The following NAV2 variants were observed in gnomAD, a reference collection of about 807,000 sequenced individuals.
NAV2 encodes the protein neuron navigator 2, also known as helicase, APC down-regulated 1.
Under a neutral mutation model 223.2 loss-of-function variants are expected in NAV2, and 54 were observed. That is an observed-to-expected ratio of 0.24 (90% CI 0.19 to 0.30). NAV2 has a LOEUF of 0.30. NAV2 is among the 10% of genes least tolerant of loss of function. NAV2 has a pLI of 1.00. For missense variants in NAV2, 2,806 were observed against 3,147.5 expected, an observed-to-expected ratio of 0.89 and a Z score of 2.60; for synonymous variants, 1,279 against 1,239.3, an observed-to-expected ratio of 1.03 and a Z score of -0.67.
upstream of NAV2, among the ~76,000 whole-genome samples, chr11:19,709,663 C>G (rs967775206): frequency 6.6e-6 from 1 of 151,638 alleles, no homozygotes; most frequent in African/African-American, 2.4e-5. Flanking sequence ...GACGAAACCC[C>G]GTCTCTACTA....
intron 1 of NAV2, chr11:19,511,014 C>T (rs1210208969): frequency 7.2e-5 from 11 of 152,184 alleles, no homozygotes; most frequent in African/African-American, 2.2e-4. Context: ...TTGATCCCCA[C>T]GTAAGGCTGT....
intron 3 of NAV2, among the ~76,000 whole-genome samples, chr11:19,844,078 C>T (rs1303457808): frequency 1.3e-5 from 2 of 152,182 alleles, no homozygotes; most frequent in African/African-American, 2.4e-5. Flanking sequence ...GATCCAAAGA[C>T]CAACCACTTC....
At chr11:19,963,224 C>T (rs1011862428) in intron 10 of NAV2, among the ~76,000 whole-genome samples, 3 of 152,172 alleles carry the variant, frequency 2.0e-5, no homozygotes, top group African/African-American at 4.8e-5. Context: ...CTCACTTACT[C>T]TTTCCACTAG....
intron 1 of NAV2, among the ~76,000 whole-genome samples, chr11:19,564,407 C>G (rs1366106871): frequency 6.6e-6 from 1 of 152,224 alleles, no homozygotes; most frequent in African/African-American, 2.4e-5. Context: ...CTGACACTGG[C>G]TCTTCCCTGA....
chr11:20,083,652 C>T (rs2060232056), intron 26 of NAV2, among the ~76,000 whole-genome samples: 1 of 152,138 alleles, frequency 6.6e-6, no homozygotes, highest in Admixed American at 6.5e-5. Context: ...GGAAAGTTGT[C>T]AGAGAGATGA....
intron 1 of NAV2, among the ~76,000 whole-genome samples, chr11:19,622,317 C>G (rs973772384): frequency 1.1e-4 from 17 of 152,136 alleles, no homozygotes; most frequent in African/African-American, 3.9e-4. Flanking sequence ...TCCTTTTTAA[C>G]TTTCTATCTT....
At chr11:19,711,908 A>C (rs2049897194), upstream of NAV2, 1 of 152,230 alleles carries the variant, frequency 6.6e-6, no homozygotes. Flanking sequence ...CATGCATGTA[A>C]GCTTAAATAA....
At chr11:19,989,654 G>A (rs776130513) in intron 11 of NAV2, among the ~76,000 whole-genome samples, 2 of 152,172 alleles carry the variant, frequency 1.3e-5, no homozygotes, top group Non-Finnish European at 2.9e-5. Flanking sequence ...TTCCTGATGG[G>A]TTGCTCTATG....
intron 1 of NAV2, among the ~76,000 whole-genome samples, chr11:19,622,896 T>C (rs1281944048): frequency 3.9e-5 from 6 of 152,160 alleles, no homozygotes; most frequent in Non-Finnish European, 7.4e-5. Flanking sequence ...TTTGCAGTGG[T>C]GGGTACCGGT....
chr11:20,109,293 A>C (rs1413098353), intron 36 of NAV2, among the ~76,000 whole-genome samples: 2 of 151,188 alleles, frequency 1.3e-5, no homozygotes, highest in East Asian at 3.8e-4. Context: ...GTATTGTGAA[A>C]GCAGGAAAAA....
chr11:19,467,213 G>A (rs921301460), intron 1 of NAV2, among the ~76,000 whole-genome samples: 6 of 152,062 alleles, frequency 3.9e-5, no homozygotes, highest in African/African-American at 1.4e-4. Context: ...TGTCAGATAT[G>A]ATATTTAAAT....
At chr11:19,902,991 A>C (rs2042574420) in intron 6 of NAV2, among the ~76,000 whole-genome samples, 1 of 152,228 alleles carries the variant, frequency 6.6e-6, no homozygotes, top group Non-Finnish European at 1.5e-5. Flanking sequence ...TGTAGCTGCA[A>C]CTACTTACTG....
At chr11:19,704,795 G>A (rs1409137127) in intron 1 of NAV2, among the ~76,000 whole-genome samples, 1 of 151,962 alleles carries the variant, frequency 6.6e-6, no homozygotes, top group African/African-American at 2.4e-5. Flanking sequence ...GGTGGATCAC[G>A]AGGTCAGGAG....
At chr11:19,411,790 T>G (rs778099993) in intron 1 of NAV2, among the ~76,000 whole-genome samples, 1 of 152,176 alleles carries the variant, frequency 6.6e-6, no homozygotes, top group Non-Finnish European at 1.5e-5. Context: ...TCTTCACAAC[T>G]GGCATCTCGT....
intron 1 of NAV2, among the ~76,000 whole-genome samples, chr11:19,529,280 C>A (rs2043949071): frequency 6.6e-6 from 1 of 152,200 alleles, no homozygotes; most frequent in Admixed American, 6.5e-5. Flanking sequence ...GCATTTAGAT[C>A]CACAAACAGC....
chr11:20,115,624 TCC>T (rs2063009980), intron 37 of NAV2, among the ~76,000 whole-genome samples: 2 of 56,816 alleles, frequency 3.5e-5, no homozygotes, highest in African/African-American at 6.9e-5. Flanking sequence ...AGAGCAAGAC[TCC>T]GTCTCAAAAA....
At chr11:19,701,029 T>C (rs1218788179) in intron 1 of NAV2, among the ~76,000 whole-genome samples, 1 of 152,226 alleles carries the variant, frequency 6.6e-6, no homozygotes, top group Non-Finnish European at 1.5e-5. Flanking sequence ...GTCGTCATCA[T>C]TCCTATTTTA....
At chr11:19,748,289 G>T (rs1187537684) in intron 1 of NAV2, among the ~76,000 whole-genome samples, 2 of 152,152 alleles carry the variant, frequency 1.3e-5, no homozygotes, top group Non-Finnish European at 2.9e-5. Flanking sequence ...GGTAACCAAG[G>T]ATTGCAGAGT....
At chr11:20,091,088 T>C in intron 27 of NAV2, 70 bp downstream of exon 27, 2 of 1,552,504 alleles carry the variant, frequency 1.3e-6, no homozygotes, top group South Asian at 2.3e-5. Flanking sequence ...TGCTCTCCAC[T>C]AAGCCCTGAG....
Sources: gnomAD v4.1 joint callset for allele counts (sites outside exome capture counted in the v4.1 genomes callset) on GRCh38, gnomAD v4.1.1 for gene constraint, MANE v1.5 for transcripts, NCBI Gene and HGNC (gene_info 2026-07-23, HGNC 2026-07-21) for gene names.